VAC14: variants seen among roughly 807,000 people sequenced by gnomAD.
The protein encoded by VAC14 is VAC14 component of PIKFYVE complex.
VAC14 carries 47 observed loss-of-function variants against 85.3 expected under a neutral mutation model. That is an observed-to-expected ratio of 0.55 (90% confidence interval 0.44 to 0.70). The LOEUF (loss-of-function observed/expected upper bound fraction) is 0.70, where lower values mean the gene tolerates loss of function less well. Ranked by LOEUF, VAC14 falls within the 30% of genes least tolerant of loss-of-function variation. The pLI is 0.00. For missense variants in VAC14, 861 were observed against 1,004.3 expected, an observed-to-expected ratio of 0.86 and a Z score of 1.93; for synonymous variants, 447 against 430.5, an observed-to-expected ratio of 1.04 and a Z score of -0.47.
chr16:70,710,618 G>A (rs1393407876), intron 14 of VAC14, among the ~76,000 whole-genome samples: 2 of 152,202 alleles, frequency 1.3e-5, no homozygotes, highest in Non-Finnish European at 2.9e-5. Flanking sequence ...CTTTGTTCCA[G>A]GCCAGGGAGC....
chr16:70,742,410 C>T (rs572519053), intron 13 of VAC14, among the ~76,000 whole-genome samples: 6 of 152,354 alleles, frequency 3.9e-5, no homozygotes, highest in African/African-American at 1.4e-4. Flanking sequence ...CCCCACACTC[C>T]ACCTCTGGCA....
chr16:70,753,096 T>C (rs992611141), intron 12 of VAC14, among the ~76,000 whole-genome samples: 1 of 151,744 alleles, frequency 6.6e-6, no homozygotes, highest in African/African-American at 2.4e-5. Context: ...ATAAGTGAGA[T>C]CTGGCCCAAG....
At chr16:70,780,464 G>A (rs1283790799) in intron 9 of VAC14, among the ~76,000 whole-genome samples, 1 of 152,068 alleles carries the variant, frequency 6.6e-6, no homozygotes. Flanking sequence ...CGTGAATCCA[G>A]GAAAAAGATG....
chr16:70,746,301 A>T (rs538614751), intron 12 of VAC14, among the ~76,000 whole-genome samples: 1 of 152,238 alleles, frequency 6.6e-6, no homozygotes, highest in South Asian at 2.1e-4. Context: ...ACTCGCTCAC[A>T]CAGACTCACT....
intron 1 of VAC14, among the ~76,000 whole-genome samples, chr16:70,800,246 A>G (rs1014354966): frequency 2.6e-5 from 4 of 152,278 alleles, no homozygotes; most frequent in African/African-American, 9.6e-5. Context: ...GAAGCAAGAA[A>G]GGTCAAATTA....
chr16:70,714,403 C>G (rs909779198), intron 14 of VAC14: 39 of 152,216 alleles, frequency 2.6e-4, no homozygotes, highest in African/African-American at 9.7e-5. Flanking sequence ...GCAGAAGGAA[C>G]TGGACCGGGA....
chr16:70,783,998 G>GCTTC (rs1188159742), intron 5 of VAC14, 115 bp downstream of exon 5: 3 of 798,626 alleles, frequency 3.8e-6, no homozygotes, highest in Non-Finnish European at 4.2e-6. Context: ...GGTGTTAATG[G>GCTTC]CTATTCAAGG....
intron 12 of VAC14, chr16:70,744,898 G>A (rs1471829196): frequency 1.0e-5 from 3 of 288,002 alleles, no homozygotes; most frequent in Non-Finnish European, 1.9e-5. Context: ...GTCCCCAGGA[G>A]TCCCAGGACT....
At chr16:70,703,279 G>T (rs921013824) in intron 14 of VAC14, among the ~76,000 whole-genome samples, 2 of 152,220 alleles carry the variant, frequency 1.3e-5, no homozygotes, top group Non-Finnish European at 2.9e-5. Flanking sequence ...AACGCTATTC[G>T]TCATGAGACA....
intron 9 of VAC14, among the ~76,000 whole-genome samples, chr16:70,776,970 G>A (rs749559681): frequency 6.6e-6 from 1 of 151,914 alleles, no homozygotes; most frequent in Non-Finnish European, 1.5e-5. Context: ...ACCATGACTG[G>A]CTAATTTTTT....
intron 14 of VAC14, among the ~76,000 whole-genome samples, chr16:70,722,608 T>C (rs2054322613): frequency 6.6e-6 from 1 of 152,014 alleles, no homozygotes; most frequent in Non-Finnish European, 1.5e-5. Context: ...GAGAAAGAGC[T>C]TCCTGAGAAA....
At chr16:70,779,389 G>T (rs117327556) in intron 9 of VAC14, among the ~76,000 whole-genome samples, 2,653 of 152,318 alleles carry the variant, frequency 0.017, 29 homozygotes, top group Non-Finnish European at 0.026. Flanking sequence ...ATCTGAGTAG[G>T]CTTAGTCTTC....
intron 1 of VAC14, among the ~76,000 whole-genome samples, chr16:70,791,065 C>G (rs1267276044): frequency 1.3e-5 from 2 of 152,204 alleles, no homozygotes; most frequent in African/African-American, 4.8e-5. Flanking sequence ...CAGGGCCAGG[C>G]CGACCTCTGA....
At chr16:70,725,339 G>T (rs1264300272) in intron 14 of VAC14, among the ~76,000 whole-genome samples, 6 of 152,252 alleles carry the variant, frequency 3.9e-5, no homozygotes, top group African/African-American at 1.4e-4. Flanking sequence ...TGGACACCTT[G>T]GTGATTTGGC....
chr16:70,730,448 G>A (rs1306000165), intron 14 of VAC14, among the ~76,000 whole-genome samples: 1 of 151,892 alleles, frequency 6.6e-6, no homozygotes, highest in Non-Finnish European at 1.5e-5. Context: ...GCCCCATACA[G>A]CCTAGGCCCC....
chr16:70,745,928 G>A (rs530555476), intron 12 of VAC14, among the ~76,000 whole-genome samples: 94 of 152,364 alleles, frequency 6.2e-4, no homozygotes, highest in Non-Finnish European at 1.2e-3. Flanking sequence ...TACAAGATAA[G>A]GTTAGCACTG....
At chr16:70,768,966 ATT>A (rs60721142) in intron 10 of VAC14, 781 of 214,220 alleles carry the variant, frequency 3.6e-3, no homozygotes, top group South Asian at 7.9e-3. Context: ...ACGCCTGGCT[ATT>A]TTTTTTTTTT....
At chr16:70,688,389 G>A (rs772037482) in intron 18 of VAC14, 235 of 1,057,208 alleles carry the variant, frequency 2.2e-4, no homozygotes, top group Non-Finnish European at 2.5e-4. Context: ...TCCTGTTTAC[G>A]AGTGGCTCCC....
chr16:70,765,345 G>T (rs2032724819), intron 10 of VAC14, among the ~76,000 whole-genome samples: 1 of 152,174 alleles, frequency 6.6e-6, no homozygotes, highest in African/African-American at 2.4e-5. Context: ...GCCGTGACCA[G>T]GTCCCCTACT....
Sources: allele counts gnomAD v4.1 joint callset (sites outside exome capture counted in the v4.1 genomes callset), GRCh38; gene constraint gnomAD v4.1.1; transcripts MANE v1.5; gene names NCBI Gene and HGNC (gene_info 2026-07-23, HGNC 2026-07-21).